Variants in VASH1 observed in about 807,000 individuals in gnomAD.
VASH1 encodes vasohibin 1.
In VASH1, 16 loss-of-function variants were observed where a neutral mutation model predicts 35.0. The ratio of observed to expected loss-of-function variants is 0.46; its 90% CI spans 0.31 to 0.70. The LOEUF (loss-of-function observed/expected upper bound fraction) is 0.70, where lower values mean the gene tolerates loss of function less well. Among genes scored for constraint, VASH1 ranks in the 30% least tolerant of loss-of-function variants. VASH1 has a pLI of 0.05. For missense variants in VASH1, 505 were observed against 510.7 expected (o/e 0.99, Z 0.11); for synonymous variants, 214 against 200.9 (o/e 1.07, Z -0.55).
At chr14:76,772,754 G>A (rs923800285) in intron 3 of VASH1, among the ~76,000 whole-genome samples, 2 of 152,254 alleles carry the variant, frequency 1.3e-5, no homozygotes, top group Non-Finnish European at 2.9e-5. Flanking sequence ...GGAAGAGATC[G>A]ATGCTGACGT....
Position 76,771,229 on chromosome 14 carries a change from G to A in VASH1, c.438G>A (p.Lys146=), listed in dbSNP as rs1455295545. 6.2e-7 allele frequency: 1 copy of A among 1,604,362 alleles called. No individual in the cohort carries two copies. The highest frequency in any genetic ancestry group is 1.7e-5 in the Admixed American group (1 of 58,904). The change falls in exon 3 of 7, where the codon AAG becomes AAA. Residue 146 remains lysine (K), a synonymous_variant. Coordinates refer to ENST00000167106, the MANE Select transcript of VASH1 (RefSeq NM_014909.5). ...GGACACAGTTCTTTGAAATTAAGAA[G>A]AGCAGACCTCTGACAGGGTAAGTAT... ...HTGTQFFEIK[K]SRPLTGLMDL...
chr14:76,775,158 C>G (rs561260695), intron 4 of VASH1, among the ~76,000 whole-genome samples: 15 of 152,154 alleles, frequency 9.9e-5, no homozygotes, highest in Non-Finnish European at 1.5e-4. Context: ...GTGGAGGAGA[C>G]AAAATAAGCA....
intron 1 of VASH1, chr14:76,769,622 ATTC>A: frequency 1.9e-6 from 1 of 526,784 alleles, no homozygotes; most frequent in Non-Finnish European, 3.0e-6. Context: ...CCAATATTAT[ATTC>A]TTAAGTCTTG....
intron 3 of VASH1, 95 bp downstream of exon 3, chr14:76,771,341 TC>T: frequency 8.1e-7 from 1 of 1,227,900 alleles, no homozygotes; most frequent in Non-Finnish European, 1.1e-6. Flanking sequence ...TATGGGGCAG[TC>T]AGGGACTCTT....
intron 5 of VASH1, among the ~76,000 whole-genome samples, chr14:76,777,337 TTG>T (rs1893972653): frequency 6.6e-6 from 1 of 152,224 alleles, no homozygotes; most frequent in African/African-American, 2.4e-5. Context: ...CAGTTTGCTA[TTG>T]TGTCTTTAAG....
At position 76,782,366 on chromosome 14, in the gene VASH1, C is replaced by T. The variant is rs1894135508; in HGVS notation, c.*3348C>T. ...CCAAGAAGTTGACCACGTGTGATTT[C>T]CAGCCCTTCCCACTGGGACTTGACT... On this transcript the variant is annotated 3_prime_UTR_variant, in exon 7 of 7. Transcript: ENST00000167106. 2 of 152,318 alleles carry T rather than the reference C, an allele frequency of 1.3e-5. No homozygotes were observed. Among genetic ancestry groups the T allele is most frequent in the South Asian group, 2.1e-4 (1 of 4,832 alleles). The allele number at this position is 152,318 out of a possible 1,614,324, so 9.4% of individuals were successfully genotyped here.
chr14:76,766,694 A>G (rs1411125820), intron 1 of VASH1, among the ~76,000 whole-genome samples: 1 of 152,068 alleles, frequency 6.6e-6, no homozygotes, highest in Non-Finnish European at 1.5e-5. Context: ...CTCCCGCCTC[A>G]GCCTCCCAAA....
At chr14:76,771,663 G>GATCCCCAT in intron 3 of VASH1, among the ~76,000 whole-genome samples, 1 of 152,270 alleles carries the variant, frequency 6.6e-6, no homozygotes. Context: ...CCATTGCAGG[G>GATCCCCAT]TACTTGCATG....
At chr14:76,778,109 GT>G (rs765633942) in intron 6 of VASH1, 38 bp downstream of exon 6, 6 of 1,370,834 alleles carry the variant, frequency 4.4e-6, no homozygotes, top group Non-Finnish European at 2.9e-6. Context: ...TCCAAAGAGG[GT>G]TTTTTTCCTT....
intron 2 of VASH1, 33 bp from the exon 3 acceptor site, chr14:76,771,157 C>T: frequency 6.6e-7 from 1 of 1,524,474 alleles, no homozygotes; most frequent in Non-Finnish European, 8.8e-7. Flanking sequence ...CTCCTTCAGG[C>T]CAAGCTAGGA....
chr14:76,773,480 GTT>G, intron 4 of VASH1: 2 of 502,394 alleles, frequency 4.0e-6, no homozygotes, highest in Non-Finnish European at 7.0e-6. Flanking sequence ...TACAGGGACC[GTT>G]TTCTGAACCC....
intron 2 of VASH1, 119 bp from the exon 3 acceptor site, chr14:76,771,071 T>G: frequency 1.2e-6 from 1 of 841,910 alleles, no homozygotes; most frequent in Non-Finnish European, 1.7e-6. Flanking sequence ...GGGAGAAGAA[T>G]TCATGCTGTG....
At chr14:76,771,844 A>G (rs1283414245) in intron 3 of VASH1, among the ~76,000 whole-genome samples, 1 of 152,230 alleles carries the variant, frequency 6.6e-6, no homozygotes, top group Non-Finnish European at 1.5e-5. Flanking sequence ...GTTTCTGCCC[A>G]TGAAGCCCCG....
intron 4 of VASH1, 40 bp downstream of exon 4, chr14:76,773,251 C>A: frequency 6.2e-7 from 1 of 1,605,038 alleles, no homozygotes; most frequent in Non-Finnish European, 8.5e-7. Flanking sequence ...CCGGGCTTCT[C>A]TGGGCCTCAG....
At position 76,763,034 on chromosome 14, in the gene VASH1, G is replaced by A; in HGVS notation, c.213G>A (p.Glu71=). Residue 71 remains glutamate (E), a synonymous_variant, in exon 1 of 7, where the codon GAG becomes GAA. Transcript: ENST00000167106. ...ACCGGGGTGGGCTACCTGTGGATGAGGCCACCTGGGAAAGGATGTGGAAAC... is the reference window on the plus strand; with the variant it reads ...ACCGGGGTGGGCTACCTGTGGATGAAGCCACCTGGGAAAGGATGTGGAAAC... ...FVNRGGLPVD[E]ATWERMWKHV... The A allele has an allele frequency of 6.5e-7, 1 of 1,548,488 alleles. No individual in the cohort carries two copies. Among genetic ancestry groups the A allele is most frequent in the Non-Finnish European group, 8.7e-7 (1 of 1,145,666 alleles).
At chr14:76,778,850 G>C (rs989429841) in intron 6 of VASH1, 96 bp from the exon 7 acceptor site, 13 of 1,224,278 alleles carry the variant, frequency 1.1e-5, no homozygotes, top group East Asian at 2.3e-5. Flanking sequence ...GGAGAATGTG[G>C]CGGGGAAGCC....
chr14:76,763,856 A>G (rs1262052481), intron 1 of VASH1, among the ~76,000 whole-genome samples: 1 of 152,246 alleles, frequency 6.6e-6, no homozygotes, highest in Non-Finnish European at 1.5e-5. Context: ...TCACCAACGA[A>G]AACAGAGGCT....
chr14:76,771,074 A>G, intron 2 of VASH1, 116 bp from the exon 3 acceptor site: 1 of 876,124 alleles, frequency 1.1e-6, no homozygotes, highest in Non-Finnish European at 1.7e-6. Flanking sequence ...AGAAGAATTC[A>G]TGCTGTGCCC....
At position 76,782,756 on chromosome 14, in the gene VASH1, CAA is replaced by C. The variant is rs1344950562; in HGVS notation, c.*3739_*3740del. 1 of 152,686 alleles carries C rather than the reference CAA, an allele frequency of 6.5e-6. No homozygotes were observed. Among genetic ancestry groups the C allele is most frequent in the Non-Finnish European group, 1.5e-5 (1 of 68,074 alleles). The allele number at this position is 152,686 out of a possible 1,614,324, so 9.5% of individuals were successfully genotyped here. On this transcript the variant is annotated 3_prime_UTR_variant, in exon 7 of 7. Coordinates refer to ENST00000167106, the MANE Select transcript of VASH1 (RefSeq NM_014909.5). ...GCTCCATCTTGGTCCTCCGGAGTCC[CAA>C]GTTTCCTTTTCATCAAATCTGACAA... is the stretch of plus-strand genomic sequence containing the variant.
Sources: gnomAD v4.1 joint callset for allele counts (sites outside exome capture counted in the v4.1 genomes callset) on GRCh38, gnomAD v4.1.1 for gene constraint, MANE v1.5 for transcripts, NCBI Gene and HGNC (gene_info 2026-07-23, HGNC 2026-07-21) for gene names.